The following CNNM4 variants were observed in gnomAD, a reference collection of about 807,000 sequenced individuals.
CNNM4 encodes the protein cyclin and CBS domain divalent metal cation transport mediator 4, also known as metal transporter CNNM4.
In CNNM4, 32 loss-of-function variants were observed where a neutral mutation model predicts 53.7. The ratio of observed to expected loss-of-function variants is 0.60; its 90% CI spans 0.45 to 0.80. The LOEUF (loss-of-function observed/expected upper bound fraction) is 0.80. CNNM4 is among the 30% of genes least tolerant of loss of function. CNNM4 has a pLI of 0.00. For synonymous variants in CNNM4, 410 were observed against 440.0 expected (o/e 0.93, Z 0.85); for missense variants, 784 against 1,022.0 (o/e 0.77, Z 3.17).
rs562881949 is a variant in CNNM4 at position 96,802,244 on chromosome 2, G to GAC, written c.1948+2606_1948+2607dup. On this transcript the variant is annotated intron_variant, in intron 5 of 6. Coordinates refer to ENST00000377075, the MANE Select transcript of CNNM4 (RefSeq NM_020184.4). ...ACATACACACAGAAACACAACCACA[G>GAC]ACACACACACATGCACACCCAGAGG... 7.2e-4 allele frequency among the ~76,000 whole-genome samples: 110 copies of GAC among 152,158 alleles called. 2 individuals carry two copies. In the South Asian group the frequency reaches 0.023, roughly 31 times the overall value.
intron 5 of CNNM4, among the ~76,000 whole-genome samples, chr2:96,807,588 A>T (rs1009143214): frequency 3.9e-5 from 6 of 152,036 alleles, no homozygotes; most frequent in Non-Finnish European, 7.4e-5. Context: ...AAAAAAAATT[A>T]TCCAGGCGTG....
chr2:96,784,542 A>T (rs774641930), intron 1 of CNNM4, among the ~76,000 whole-genome samples: 14 of 152,198 alleles, frequency 9.2e-5, no homozygotes, highest in Non-Finnish European at 1.8e-4. Context: ...CTAAATGGAA[A>T]ATCAGAGGCA....
At chr2:96,767,505 A>G (rs1325662587) in intron 1 of CNNM4, among the ~76,000 whole-genome samples, 1 of 152,330 alleles carries the variant, frequency 6.6e-6, no homozygotes, top group Non-Finnish European at 1.5e-5. Flanking sequence ...GTAATGAAGG[A>G]AGAGGGCAGA....
intron 1 of CNNM4, among the ~76,000 whole-genome samples, chr2:96,772,124 C>T (rs1371885937): frequency 6.6e-6 from 1 of 152,024 alleles, no homozygotes; most frequent in South Asian, 2.1e-4. Flanking sequence ...GATCCCTCCC[C>T]TACCCCAGGT....
At chr2:96,799,334 G>A in intron 4 of CNNM4, 108 bp downstream of exon 4, 11 of 1,448,230 alleles carry the variant, frequency 7.6e-6, no homozygotes, top group East Asian at 2.3e-5. Flanking sequence ...CCTGCCTGGG[G>A]AGCCTGCTGC....
chr2:96,809,503 G>A lies in CNNM4; in HGVS notation c.2314G>A (p.Glu772Lys), dbSNP rs777938752. Residue 772 changes from glutamate (E) to lysine (K), a missense_variant, in exon 7 of 7, where the codon GAG becomes AAG. By Grantham distance (56) the Glu-to-Lys change is moderately conservative. This residue lies in a region of CNNM4 where 307 missense variants were observed against 376.3 expected (regional missense o/e 0.82). Transcript: ENST00000377075. ...RNSLLHKASH[E>K]NAI is the part of the protein sequence containing the mutation. ...CTCCTTGCTGCACAAAGCCTCCCAC[G>A]AGAATGCCATCTGACAGGAGGGCCC... 9.0e-5 allele frequency: 146 copies of A among 1,614,034 alleles called. No individual in the cohort carries two copies. Among genetic ancestry groups the A allele is most frequent in the Admixed American group, 2.8e-4 (17 of 60,010 alleles).
At chr2:96,793,697 C>G (rs952790987) in intron 1 of CNNM4, among the ~76,000 whole-genome samples, 2 of 152,350 alleles carry the variant, frequency 1.3e-5, no homozygotes, top group African/African-American at 4.8e-5. Flanking sequence ...GGCGCGGTGG[C>G]TGACATCTGT....
At position 96,786,778 on chromosome 2, in the gene CNNM4, CAAAAAAAAAAAA is replaced by C. The variant is rs978560794; in HGVS notation, c.1403-10219_1403-10208del. On this transcript the variant is annotated intron_variant, in intron 1 of 6. Coordinates refer to ENST00000377075, the MANE Select transcript of CNNM4 (RefSeq NM_020184.4). The stretch of plus-strand genomic sequence containing the variant: ...TGGGTAACAGAGCAAGACTCTGTCT[CAAAAAAAAAAAA>C]AAAAAAAAAAAAAAGTCACTCTTAT... 3.5e-4 allele frequency among the ~76,000 whole-genome samples: 14 copies of C among 40,488 alleles called. No individual in the cohort carries two copies. In the South Asian group the frequency reaches 1.0e-2, roughly 29 times the overall value. 26.6% of individuals were successfully genotyped at this position (40,488 alleles called of 152,430 possible).
chr2:96,806,529 A>ACGCGCG (rs1171614187), intron 5 of CNNM4, among the ~76,000 whole-genome samples: 20 of 142,274 alleles, frequency 1.4e-4, no homozygotes, highest in Admixed American at 7.7e-4. Context: ...ACACACACAC[A>ACGCGCG]CACACACGCG....
chr2:96,799,377 A>G, intron 4 of CNNM4, 151 bp downstream of exon 4: 1 of 1,235,276 alleles, frequency 8.1e-7, no homozygotes, highest in East Asian at 2.4e-5. Context: ...CCACGTGGCC[A>G]TCCTCTCCCT....
intron 1 of CNNM4, among the ~76,000 whole-genome samples, chr2:96,791,075 G>C (rs1439317141): frequency 1.4e-5 from 2 of 147,070 alleles, no homozygotes; most frequent in Admixed American, 1.4e-4. Context: ...AGCTGAGATC[G>C]CACCACTGCA....
intron 5 of CNNM4, among the ~76,000 whole-genome samples, chr2:96,802,168 A>G (rs2079165848): frequency 6.6e-6 from 1 of 151,662 alleles, no homozygotes; most frequent in Non-Finnish European, 1.5e-5. Context: ...AGATACACCC[A>G]TAGACACACA....
chr2:96,766,017 C>G (rs2678382), intron 1 of CNNM4, among the ~76,000 whole-genome samples: 11 of 151,544 alleles, frequency 7.3e-5, no homozygotes, highest in Non-Finnish European at 8.8e-5. Context: ...CTCCTGACCT[C>G]AGGTGATCCA....
At chr2:96,770,022 G>A (rs1249554290) in intron 1 of CNNM4, among the ~76,000 whole-genome samples, 1 of 152,210 alleles carries the variant, frequency 6.6e-6, no homozygotes, top group African/African-American at 2.4e-5. Flanking sequence ...ACATGAGCAC[G>A]TGGAGGGGCC....
At position 96,800,833 on chromosome 2, in the gene CNNM4, G is replaced by C. The variant is rs1210106672; in HGVS notation, c.1948+1185G>C. Reference sequence around the variant, plus strand: ...ACCCATAGTCTCTCTGTTCCCACTTGGTGTGGCCAGAAGAGAGGGGAGATG... The same window carrying C: ...ACCCATAGTCTCTCTGTTCCCACTTCGTGTGGCCAGAAGAGAGGGGAGATG... On this transcript the variant is annotated intron_variant, in intron 5 of 6. Transcript: ENST00000377075. The surrounding 1 kb of genome is among the most constrained non-coding windows in gnomAD (Gnocchi z 4.6). 6.6e-6 allele frequency among the ~76,000 whole-genome samples: 1 copy of C among 152,106 alleles called. No homozygotes were observed. Among genetic ancestry groups the C allele is most frequent in the Non-Finnish European group, 1.5e-5 (1 of 68,026 alleles).
At chr2:96,799,307 C>A (rs1451191703) in intron 4 of CNNM4, 81 bp downstream of exon 4, 2 of 1,556,836 alleles carry the variant, frequency 1.3e-6, no homozygotes, top group East Asian at 2.2e-5. Context: ...CCACCTGCTG[C>A]GGAGGTGCAT....
chr2:96,769,275 C>G (rs926136006), intron 1 of CNNM4, among the ~76,000 whole-genome samples: 5 of 150,152 alleles, frequency 3.3e-5, no homozygotes, highest in Non-Finnish European at 5.9e-5. Flanking sequence ...CGGCCAAGAG[C>G]AGGCAGAATG....
intron 1 of CNNM4, among the ~76,000 whole-genome samples, chr2:96,780,091 C>T (rs545447615): frequency 7.9e-5 from 12 of 151,828 alleles, no homozygotes; most frequent in South Asian, 2.1e-4. Flanking sequence ...GGAGCCACCG[C>T]GCCTGGCCAG....
At chr2:96,786,807 C>T (rs569219392) in intron 1 of CNNM4, among the ~76,000 whole-genome samples, 1 of 140,848 alleles carries the variant, frequency 7.1e-6, no homozygotes, top group South Asian at 2.3e-4. Flanking sequence ...AAAAAAAAGT[C>T]ACTCTTATCC....
Sources: allele counts gnomAD v4.1 joint callset (sites outside exome capture counted in the v4.1 genomes callset), GRCh38; gene constraint gnomAD v4.1.1; regional missense constraint gnomAD v4.1.1; non-coding constraint Gnocchi (gnomAD v3.1); transcripts MANE v1.5; gene names NCBI Gene and HGNC (gene_info 2026-07-23, HGNC 2026-07-21).